Variants in PSD2 observed in about 807,000 individuals in gnomAD.
PSD2 encodes the protein PH and SEC7 domain-containing protein 2.
Under a neutral mutation model 69.8 loss-of-function variants are expected in PSD2, and 38 were observed. The observed-to-expected ratio is 0.54, with a 90% CI of 0.42 to 0.71. The LOEUF (loss-of-function observed/expected upper bound fraction) is 0.71, where lower values mean the gene tolerates loss of function less well. Among genes scored for constraint, PSD2 ranks in the 30% least tolerant of loss-of-function variants. PSD2 has a pLI of 0.00. For synonymous variants in PSD2, 412 were observed against 423.0 expected, an observed-to-expected ratio of 0.97 and a Z score of 0.32; for missense variants, 943 against 1,014.5, an observed-to-expected ratio of 0.93 and a Z score of 0.96.
intron 7 of PSD2, among the ~76,000 whole-genome samples, chr5:139,828,563 G>A (rs930140123): frequency 6.6e-6 from 1 of 152,196 alleles, no homozygotes; most frequent in Non-Finnish European, 1.5e-5. Context: ...TATAATTAAG[G>A]TTTAGCCTAG....
the PSD2 span, among the ~76,000 whole-genome samples, chr5:139,790,792 C>T: frequency 1.3e-5 from 2 of 152,006 alleles, no homozygotes; most frequent in Non-Finnish European, 2.9e-5. Context: ...CTTGTAATCC[C>T]AGCTCTTTGG....
At chr5:139,803,203 G>A (rs1465385680) in intron 1 of PSD2, among the ~76,000 whole-genome samples, 2 of 152,238 alleles carry the variant, frequency 1.3e-5, no homozygotes, top group Non-Finnish European at 2.9e-5. Flanking sequence ...AAAGGGAGGG[G>A]ATGCCCTCTC....
At chr5:139,780,439 TTTG>T in the PSD2 span, among the ~76,000 whole-genome samples, 1 of 152,190 alleles carries the variant, frequency 6.6e-6, no homozygotes, top group Non-Finnish European at 1.5e-5. Flanking sequence ...ATTTCTTTTT[TTTG>T]TTGTTGTTGT....
the PSD2 span, among the ~76,000 whole-genome samples, chr5:139,766,928 CCCTTCTTTCTTTCTTTCTTTCTTT>C: frequency 0.01 from 321 of 31,238 alleles, 10 homozygotes; most frequent in Non-Finnish European, 0.014. Flanking sequence ...TTCCTTCCTT[CCCTTCTTTCTTTCTTTCTTTCTTT>C]CTTTCTTTCT....
chr5:139,774,456 G>A, the PSD2 span, among the ~76,000 whole-genome samples: 4 of 152,170 alleles, frequency 2.6e-5, no homozygotes, highest in African/African-American at 7.2e-5. Context: ...AGGGCTGGCC[G>A]ATGCAGGGCT....
intron 7 of PSD2, among the ~76,000 whole-genome samples, chr5:139,823,434 C>G (rs1421089208): frequency 1.3e-5 from 2 of 152,218 alleles, no homozygotes; most frequent in African/African-American, 4.8e-5. Flanking sequence ...ATTGCTCACC[C>G]ATGGTGGTTG....
rs1469351219 is a variant in PSD2, at chr5:139,837,809, C to G, written c.1823+27C>G. Reference sequence around the variant, plus strand: ...TGAGTAGGAGCTGGAGCCCTTCACTCCCACCTGGGGCCCAGGGCCACAGTG... The same window carrying G: ...TGAGTAGGAGCTGGAGCCCTTCACTGCCACCTGGGGCCCAGGGCCACAGTG... On this transcript the variant is annotated intron_variant, in intron 12 of 14. Coordinates refer to ENST00000274710, the MANE Select transcript of PSD2 (RefSeq NM_032289.4). This position sits in a 1 kb window ranked among gnomAD's most constrained non-coding sequence, Gnocchi z 5.0. The G allele has an allele frequency of 1.3e-6, 2 of 1,591,366 alleles. No homozygotes were observed. The highest frequency in any genetic ancestry group is 3.4e-5 in the Admixed American group (2 of 58,800).
the PSD2 span, among the ~76,000 whole-genome samples, chr5:139,745,994 C>T: frequency 1.3e-5 from 2 of 152,182 alleles, no homozygotes; most frequent in Admixed American, 1.3e-4. Context: ...TCCTCCCCAC[C>T]GCCAAGGTGA....
chr5:139,837,378 C>A lies in PSD2; in HGVS notation c.1665+140C>A, dbSNP rs1280959826. ...GTCCTTCCCCAGACTTGGGCCCTCT[C>A]AGGGCTTTGGAGGTTTTTGGGAGAA... On this transcript the variant is annotated intron_variant, in intron 11 of 14. Transcript: ENST00000274710. This position sits in a 1 kb window ranked among gnomAD's most constrained non-coding sequence, Gnocchi z 5.0. 6 of 930,130 alleles carry A rather than the reference C, an allele frequency of 6.5e-6. No homozygotes were observed. Among genetic ancestry groups the A allele is most frequent in the Non-Finnish European group, 8.1e-6 (5 of 614,000 alleles). 57.6% of individuals were successfully genotyped at this position (930,130 alleles called of 1,614,324 possible). A position where few individuals can be genotyped will look rare whatever the true frequency, so the allele number is the denominator to read the frequency against.
At position 139,837,749 on chromosome 5, in the gene PSD2, C is replaced by T; in HGVS notation, c.1790C>T (p.Thr597Ile). 2 of 1,613,560 alleles carry T rather than the reference C, an allele frequency of 1.2e-6. No individual in the cohort carries two copies. The highest frequency in any genetic ancestry group is 1.7e-6 in the Non-Finnish European group (2 of 1,179,528). The change falls in exon 12 of 15, where the codon ACA (threonine) becomes ATA (isoleucine). Residue 597 changes from threonine to isoleucine, a missense_variant. By Grantham distance (89) the Thr-to-Ile change is moderately conservative (BLOSUM62 -1). Around this residue, in one of 3 missense-constraint regions of PSD2, gnomAD observed 312 missense variants for 400.7 expected, o/e 0.78. Coordinates refer to ENST00000274710, the MANE Select transcript of PSD2 (RefSeq NM_032289.4). This position sits in a 1 kb window ranked among gnomAD's most constrained non-coding sequence, Gnocchi z 5.0. ...AAGTCCAACGTGCTGAAGCTTAAGA[C>T]AGCCGACTGGAGGGTATTCCTCTTC... ...SKKSNVLKLKTADWRVFLFQA... is the reference protein window; with the variant it reads ...SKKSNVLKLKIADWRVFLFQA...
chr5:139,752,727 CACAT>C, the PSD2 span, among the ~76,000 whole-genome samples: 4 of 152,352 alleles, frequency 2.6e-5, no homozygotes, highest in Non-Finnish European at 4.4e-5. Context: ...CACAGGCACA[CACAT>C]ACACACACGT....
chr5:139,802,804 G>A (rs1408458456), intron 1 of PSD2, among the ~76,000 whole-genome samples: 1 of 152,194 alleles, frequency 6.6e-6, no homozygotes, highest in East Asian at 1.9e-4. Context: ...TGGCTGGGGG[G>A]TTGGGGAGAG....
chr5:139,782,284 A>G, the PSD2 span, among the ~76,000 whole-genome samples: 4 of 152,058 alleles, frequency 2.6e-5, no homozygotes, highest in South Asian at 8.3e-4. Context: ...CCTGGGTTCA[A>G]GTGATTCTCC....
chr5:139,828,559 T>G (rs1265600377), intron 7 of PSD2, among the ~76,000 whole-genome samples: 7 of 152,158 alleles, frequency 4.6e-5, no homozygotes, highest in Non-Finnish European at 1.0e-4. Flanking sequence ...CAAGTATAAT[T>G]AAGGTTTAGC....
rs184109436 is a variant in PSD2, at chr5:139,801,256, G to T, written c.-51+5281G>T. 7.6e-4 allele frequency among the ~76,000 whole-genome samples: 116 copies of T among 151,818 alleles called. 1 individual carries two copies. Among genetic ancestry groups the T allele is most frequent in the African/African-American group, 1.7e-3 (71 of 41,394 alleles). ...CCCTTAGCAGAGAAACTTCTGGAAG[G>T]GTTGTCTAGACTCATTGTCTCCACA... On this transcript the variant is annotated intron_variant, in intron 1 of 14. Coordinates refer to ENST00000274710, the MANE Select transcript of PSD2 (RefSeq NM_032289.4).
chr5:139,797,314 C>T (rs1759556195), intron 1 of PSD2, among the ~76,000 whole-genome samples: 1 of 152,204 alleles, frequency 6.6e-6, no homozygotes, highest in African/African-American at 2.4e-5. Context: ...TAGGGTTTGG[C>T]CAGAGCCCCC....
At chr5:139,809,960 G>A (rs1561595445) in intron 2 of PSD2, 149 bp downstream of exon 2, 1 of 880,520 alleles carries the variant, frequency 1.1e-6, no homozygotes. Context: ...GATTCTGGGT[G>A]TTTTGAAAGG....
chr5:139,752,431 G>A, the PSD2 span, among the ~76,000 whole-genome samples: 1 of 152,134 alleles, frequency 6.6e-6, no homozygotes, highest in Non-Finnish European at 1.5e-5. Flanking sequence ...AAGCGATGGA[G>A]AGACACAATC....
rs141233131 is a variant in PSD2 at position 139,824,938 on chromosome 5, G to C, written c.1269+2154G>C. 4.5e-4 allele frequency among the ~76,000 whole-genome samples: 68 copies of C among 152,304 alleles called. No homozygotes were observed. The East Asian group carries it at 0.013, about 29-fold the overall frequency. The stretch of plus-strand genomic sequence containing the variant: ...CCCCACAAAAAGAGCTCTGTTCAGA[G>C]CAGGAGGCAGTAAGGGGCTATCGGG... On this transcript the variant is annotated intron_variant, in intron 7 of 14. Coordinates refer to ENST00000274710, the MANE Select transcript of PSD2 (RefSeq NM_032289.4).
Sources: gnomAD v4.1 joint callset for allele counts (sites outside exome capture counted in the v4.1 genomes callset) on GRCh38, gnomAD v4.1.1 for gene constraint, gnomAD v4.1.1 regional missense constraint, Gnocchi (gnomAD v3.1) non-coding constraint, MANE v1.5 for transcripts, NCBI Gene and HGNC (gene_info 2026-07-23, HGNC 2026-07-21) for gene names.